Variants in NID2 observed in about 807,000 individuals in gnomAD.
NID2 encodes nidogen 2, also known as nidogen-2.
NID2 carries 83 observed loss-of-function variants against 145.4 expected under a neutral mutation model. The ratio of observed to expected loss-of-function variants is 0.57; its 90% CI spans 0.48 to 0.69. NID2 has a LOEUF of 0.69. NID2 is among the 30% of genes least tolerant of loss of function. The probability of loss-of-function intolerance (pLI) is 0.00; values close to 1 mark genes in which losing one functional copy is unlikely to be tolerated. For missense variants in NID2, 1,807 were observed against 1,765.7 expected, an observed-to-expected ratio of 1.02 and a Z score of -0.42; for synonymous variants, 739 against 701.3, an observed-to-expected ratio of 1.05 and a Z score of -0.85.
chr14:52,023,568 T>G lies in NID2; in HGVS notation c.2675-3390A>C, dbSNP rs149901056. On this transcript the variant is annotated intron_variant, in intron 12 of 21. Transcript: ENST00000216286. ...CCTCAGGCCCCTGAGTAATGATGGC[T>G]CTGGGTAATGGGCCATCTGTAACCC... Among the ~76,000 whole-genome samples the G allele has an allele frequency of 1.9e-3, 291 of 152,190 alleles. 7 individuals are homozygous for G. Among genetic ancestry groups the G allele is most frequent in the Admixed American group, 0.014 (215 of 15,300 alleles).
chr14:52,045,064 G>A (rs1237500585), intron 5 of NID2, among the ~76,000 whole-genome samples: 2 of 152,140 alleles, frequency 1.3e-5, no homozygotes, highest in Non-Finnish European at 2.9e-5. Flanking sequence ...TACTCTCCAC[G>A]ACCCCTTCAA....
chr14:52,065,538 T>A (rs1316857885), intron 2 of NID2, among the ~76,000 whole-genome samples: 2 of 136,946 alleles, frequency 1.5e-5, no homozygotes, highest in South Asian at 2.5e-4. Context: ...AGTTTTAGGG[T>A]ACATGTGCAC....
intron 11 of NID2, among the ~76,000 whole-genome samples, chr14:52,027,896 G>A (rs1457551750): frequency 6.6e-6 from 1 of 151,536 alleles, no homozygotes; most frequent in African/African-American, 2.4e-5. Context: ...GCTAAAGAGT[G>A]CATTTTCTTT....
Position 52,042,845 on chromosome 14 carries a change from T to G in NID2, c.1516A>C (p.Thr506Pro), listed in dbSNP as rs1385709257. The change falls in exon 6 of 22, where the codon ACT becomes CCT. Residue 506 changes from threonine to proline, a missense_variant. Coordinates refer to ENST00000216286, the MANE Select transcript of NID2 (RefSeq NM_007361.4). ...GATTGGCAGTGGCAGCAGAAGCCAG[T>G]GGCATAGTCCGTGCAGAAGGCATGC... ...SRHAFCTDYA[T>P]GFCCHCQSKF... The G allele has an allele frequency of 5.0e-6, 8 of 1,614,218 alleles. No individual in the cohort carries two copies. Among genetic ancestry groups the G allele is most frequent in the Non-Finnish European group, 5.9e-6 (7 of 1,180,034 alleles).
At chr14:52,053,503 G>T in intron 5 of NID2, 76 bp downstream of exon 5, 1 of 1,485,604 alleles carries the variant, frequency 6.7e-7, no homozygotes, top group Non-Finnish European at 9.1e-7. Flanking sequence ...ACCCACTTAA[G>T]AGAAAAATCA....
chr14:52,052,670 T>C (rs1027327429), intron 5 of NID2, among the ~76,000 whole-genome samples: 1 of 152,156 alleles, frequency 6.6e-6, no homozygotes. Context: ...CTCTGCTAGG[T>C]CAGCCATGTT....
At chr14:52,009,304 A>T (rs1281430993) in intron 18 of NID2, 1 of 152,260 alleles carries the variant, frequency 6.6e-6, no homozygotes, top group African/African-American at 2.4e-5. Flanking sequence ...AATATCATCA[A>T]CAACAATAAG....
chr14:52,008,586 A>G (rs994204379), intron 18 of NID2: 3 of 152,160 alleles, frequency 2.0e-5, no homozygotes, highest in African/African-American at 7.2e-5. Context: ...AGGTTTTCTG[A>G]TTATTGTCAC....
chr14:52,006,793 C>A, intron 19 of NID2, 133 bp from the exon 20 acceptor site: 1 of 933,298 alleles, frequency 1.1e-6, no homozygotes, highest in Admixed American at 2.5e-5. Flanking sequence ...AGATTAGCAA[C>A]TGTAAAATTA....
intron 20 of NID2, chr14:52,006,248 T>TTTAGA (rs568777800): frequency 3.4e-4 from 136 of 405,336 alleles, no homozygotes; most frequent in African/African-American, 2.7e-3. Context: ...AAAGAACATA[T>TTTAGA]TTAGATTAAT....
rs745836447 is a variant in NID2, at chr14:52,053,632, C to T, written c.1376G>A (p.Ser459Asn). Residue 459 changes from serine to asparagine, a missense_variant, in exon 5 of 22, where the codon AGT becomes AAT. Ser to Asn is a conservative substitution (Grantham distance 46). Coordinates refer to ENST00000216286, the MANE Select transcript of NID2 (RefSeq NM_007361.4). The stretch of plus-strand genomic sequence containing the variant: ...CAGTCCCACCTCATACGTCCCTCGA[C>T]TTAAGGGTGTAGTGTGACCTGAAGC... The part of the protein sequence containing the change: ...YPASGHTTPL[S>N]RGTYEVGLED... 9 of 1,614,254 alleles carry T rather than the reference C, an allele frequency of 5.6e-6. No individual in the cohort carries two copies. The African/African-American group carries it at 1.2e-4, about 22-fold the overall frequency.
chr14:52,063,776 C>A (rs185027420), intron 2 of NID2, among the ~76,000 whole-genome samples: 104 of 152,284 alleles, frequency 6.8e-4, no homozygotes, highest in African/African-American at 1.7e-3. Flanking sequence ...AACCTCCATT[C>A]CTTAGTGTAG....
In NID2 at chr14:52,067,843, T is replaced by G. The variant is rs760017421; in HGVS notation, c.534+15A>C. 2 of 1,610,882 alleles carry G rather than the reference T, an allele frequency of 1.2e-6. No individual in the cohort carries two copies. Among genetic ancestry groups the G allele is most frequent in the African/African-American group, 1.3e-5 (1 of 74,952 alleles). ...CTTCAATTTCCTCAGCAGTCAAATA[T>G]CCCTGGTCACTTACCTCTCCCGAGG... On this transcript the variant is annotated intron_variant, in intron 2 of 21. Coordinates refer to ENST00000216286, the MANE Select transcript of NID2 (RefSeq NM_007361.4).
chr14:52,022,063 C>T (rs1316490984), intron 12 of NID2, among the ~76,000 whole-genome samples: 1 of 152,208 alleles, frequency 6.6e-6, no homozygotes, highest in Non-Finnish European at 1.5e-5. Flanking sequence ...AGCAGGAATT[C>T]CTGAGACACA....
Position 52,060,179 on chromosome 14 carries a change from C to G in NID2, c.712G>C (p.Glu238Gln). Residue 238 changes from glutamate (E) to glutamine (Q), a missense_variant, in exon 3 of 22, where the codon GAA becomes CAA. Transcript: ENST00000216286. ...CTAGTCAAGCTGAAATATGGTCCTT[C>G]TGACTTCAGATCATCAGCCTCCCCT... ...CRGEADDLKS[E>Q]GPYFSLTSTE... 6.2e-7 allele frequency: 1 copy of G among 1,614,098 alleles called. No individual in the cohort carries two copies. The highest frequency in any genetic ancestry group is 8.5e-7 in the Non-Finnish European group (1 of 1,179,992).
In NID2 at chr14:52,019,800, C is replaced by T. The variant is rs138016074; in HGVS notation, c.2794+259G>A. On this transcript the variant is annotated intron_variant, in intron 13 of 21. Transcript: ENST00000216286. ...CCAAATTGCACTCATCAAGGTCAAGCAGATCACTAGGGCAGTTAACCAGAG... is the reference window on the plus strand; with the variant it reads ...CCAAATTGCACTCATCAAGGTCAAGTAGATCACTAGGGCAGTTAACCAGAG... Among the ~76,000 whole-genome samples the T allele has an allele frequency of 1.4e-4, 21 of 152,288 alleles. No homozygotes were observed. In the East Asian group the frequency reaches 4.1e-3, roughly 29 times the overall value.
chr14:52,014,207 T>A (rs755413019), intron 16 of NID2, 80 bp downstream of exon 16: 1 of 1,579,136 alleles, frequency 6.3e-7, no homozygotes, highest in South Asian at 1.1e-5. Context: ...CCAGTCCACC[T>A]CACTGCAACA....
intron 18 of NID2, 118 bp from the exon 19 acceptor site, chr14:52,008,085 T>G: frequency 1.3e-6 from 1 of 783,982 alleles, no homozygotes; most frequent in Non-Finnish European, 2.0e-6. Context: ...GCAATCCCCT[T>G]GAGTTTGGGC....
At position 52,019,088 on chromosome 14, in the gene NID2, T is replaced by C; in HGVS notation, c.3001A>G (p.Thr1001Ala). 3 of 1,611,724 alleles carry C rather than the reference T, an allele frequency of 1.9e-6. No homozygotes were observed. Among genetic ancestry groups the C allele is most frequent in the Non-Finnish European group, 2.5e-6 (3 of 1,178,246 alleles). Reference protein sequence around the residue: ...VPGTQTPPGSTPPHCGPSPEP... With the variant: ...VPGTQTPPGSAPPHCGPSPEP... ...GGTGATGGTCCACAGTGAGGCGGGG[T>C]GGAGCCAGGTGGAGTCTGGGTACCA... The change falls in exon 14 of 22, where the codon ACC becomes GCC. Residue 1001 changes from threonine (T) to alanine (A), a missense_variant. Coordinates refer to ENST00000216286, the MANE Select transcript of NID2 (RefSeq NM_007361.4).
Sources: gnomAD v4.1 joint callset for allele counts (sites outside exome capture counted in the v4.1 genomes callset) on GRCh38, gnomAD v4.1.1 for gene constraint, MANE v1.5 for transcripts, NCBI Gene and HGNC (gene_info 2026-07-23, HGNC 2026-07-21) for gene names.